Variants in SRD5A2 observed in about 807,000 individuals in gnomAD.
SRD5A2 encodes steroid 5 alpha-reductase 2, also known as 3-oxo-5-alpha-steroid 4-dehydrogenase 2.
SRD5A2 carries 30 observed loss-of-function variants against 27.4 expected under a neutral mutation model. That is an observed-to-expected ratio of 1.10 (90% CI 0.82 to 1.49). The LOEUF is 1.49. Ranked by LOEUF, SRD5A2 falls within the 40% of genes most tolerant of loss-of-function variation. The probability of loss-of-function intolerance (pLI) is 0.00; values close to 1 mark genes in which losing one functional copy is unlikely to be tolerated. For synonymous variants in SRD5A2, 141 were observed against 133.6 expected (o/e 1.06, Z -0.38); for missense variants, 348 against 323.4 (o/e 1.08, Z -0.58).
At chr2:31,661,733 T>C in the SRD5A2 span, among the ~76,000 whole-genome samples, 3 of 152,268 alleles carry the variant, frequency 2.0e-5, no homozygotes, top group East Asian at 5.8e-4. Flanking sequence ...TCTGGAAATT[T>C]TTCTACCAAG....
chr2:31,558,531 CCT>C (rs963134295), intron 1 of SRD5A2, among the ~76,000 whole-genome samples: 2 of 152,146 alleles, frequency 1.3e-5, no homozygotes, highest in African/African-American at 2.4e-5. Context: ...CCAATGTTTG[CCT>C]CTGTCTTCAG....
At chr2:31,537,112 A>G (rs573438989) in intron 1 of SRD5A2, among the ~76,000 whole-genome samples, 12 of 152,322 alleles carry the variant, frequency 7.9e-5, no homozygotes, top group African/African-American at 2.6e-4. Flanking sequence ...TCAAATATAA[A>G]TGCTATTGCT....
the SRD5A2 span, among the ~76,000 whole-genome samples, chr2:31,602,884 C>A: frequency 3.3e-5 from 5 of 152,042 alleles, no homozygotes; most frequent in African/African-American, 9.6e-5. Flanking sequence ...TGATACTGGA[C>A]CCCTTCCTTA....
chr2:31,527,891 T>C (rs1193337357), intron 4 of SRD5A2, among the ~76,000 whole-genome samples: 1 of 152,194 alleles, frequency 6.6e-6, no homozygotes, highest in African/African-American at 2.4e-5. Flanking sequence ...CATTGAGTCA[T>C]AACCCCAGGG....
Position 31,533,727 on chromosome 2 carries a change from A to G in SRD5A2, c.321T>C (p.Tyr107=), listed in dbSNP as rs781214178. The change falls in exon 2 of 5, where the codon TAT becomes TAC. Residue 107 remains tyrosine, a synonymous_variant. Coordinates refer to ENST00000622030, the MANE Select transcript of SRD5A2 (RefSeq NM_000348.4). ...VYSLLNRGRP[Y]PAILILRGTA... is the part of the protein sequence containing the mutation. ...TGCCTCTGAGAATGAGTATAGCTGG[A>G]TAAGGCCTCCCTCGATTGAGCAGTG... 38 of 1,601,774 alleles carry G rather than the reference A, an allele frequency of 2.4e-5. No individual in the cohort carries two copies. In the South Asian group the frequency reaches 4.0e-4, roughly 17 times the overall value.
chr2:31,568,332 T>C (rs542681473), intron 1 of SRD5A2, among the ~76,000 whole-genome samples: 10 of 152,288 alleles, frequency 6.6e-5, no homozygotes, highest in South Asian at 6.2e-4. Context: ...CAGGTCCTGA[T>C]TTCTTGTCCC....
At chr2:31,579,720 G>A (rs539500397) in intron 1 of SRD5A2, among the ~76,000 whole-genome samples, 1 of 152,132 alleles carries the variant, frequency 6.6e-6, no homozygotes, top group Non-Finnish European at 1.5e-5. Context: ...TAAACGATTG[G>A]GCATGGTAGG....
the SRD5A2 span, among the ~76,000 whole-genome samples, chr2:31,587,542 T>C: frequency 1.3e-5 from 2 of 152,136 alleles, no homozygotes; most frequent in Non-Finnish European, 1.5e-5. Flanking sequence ...ATGTGGCACA[T>C]ATACACAATG....
intron 4 of SRD5A2, among the ~76,000 whole-genome samples, chr2:31,526,744 T>G (rs1395023611): frequency 2.6e-5 from 4 of 152,144 alleles, no homozygotes; most frequent in African/African-American, 9.7e-5. Flanking sequence ...TATCATGGGT[T>G]GAATTTTGTC....
rs572902611 is a variant in SRD5A2, at chr2:31,530,689, C to T, written c.547+682G>A. On this transcript the variant is annotated intron_variant, in intron 3 of 4. Transcript: ENST00000622030. ...TAAAGGGTTGTATTTACATCAAAAA[C>T]GGTGGAAGCCAAGGACCTACACAAA... 8.3e-4 allele frequency among the ~76,000 whole-genome samples: 126 copies of T among 152,078 alleles called. 2 individuals carry two copies. The highest frequency in any genetic ancestry group is 3.4e-3 in the Middle Eastern group (1 of 294).
At chr2:31,542,508 CAATA>C (rs927686209) in intron 1 of SRD5A2, among the ~76,000 whole-genome samples, 2 of 150,562 alleles carry the variant, frequency 1.3e-5, no homozygotes, top group Non-Finnish European at 1.5e-5. Context: ...GAACCTGTCT[CAATA>C]AATAAATAAA....
upstream of SRD5A2, among the ~76,000 whole-genome samples, chr2:31,581,992 AACC>A (rs1392216679): frequency 6.6e-6 from 1 of 151,252 alleles, no homozygotes; most frequent in Non-Finnish European, 1.5e-5. Context: ...TCTGTTTCCC[AACC>A]CTTCTTTTCT....
chr2:31,639,536 G>A, the SRD5A2 span, among the ~76,000 whole-genome samples: 2 of 152,066 alleles, frequency 1.3e-5, no homozygotes, highest in South Asian at 2.1e-4. Flanking sequence ...GATTAGTGGT[G>A]CTGAATTTTC....
At chr2:31,599,142 C>T in the SRD5A2 span, among the ~76,000 whole-genome samples, 2 of 151,934 alleles carry the variant, frequency 1.3e-5, no homozygotes, top group South Asian at 4.1e-4. Context: ...ATGCACCCAA[C>T]ACTGGAACAT....
In SRD5A2 at chr2:31,524,713, G is replaced by A. The variant is rs1665734489; in HGVS notation, c.*1483C>T. The stretch of plus-strand genomic sequence containing the variant: ...TATGTGACTTATATAGTGAGTTTCT[G>A]TGCTTAGTACCACTGGTGCTCATTT... On this transcript the variant is annotated 3_prime_UTR_variant, in exon 5 of 5. Transcript: ENST00000622030. The A allele has an allele frequency of 8.7e-6, 2 of 230,832 alleles. No individual in the cohort carries two copies. The highest frequency in any genetic ancestry group is 5.7e-5 in the Admixed American group (1 of 17,692). The allele number at this position is 230,832 out of a possible 1,614,324, so 14.3% of individuals were successfully genotyped here.
chr2:31,639,389 G>A, the SRD5A2 span, among the ~76,000 whole-genome samples: 1 of 152,066 alleles, frequency 6.6e-6, no homozygotes, highest in South Asian at 2.1e-4. Flanking sequence ...CAAAAACAGT[G>A]ATGGAGTATT....
At chr2:31,565,200 T>A (rs1666706085) in intron 1 of SRD5A2, among the ~76,000 whole-genome samples, 1 of 151,152 alleles carries the variant, frequency 6.6e-6, no homozygotes, top group Non-Finnish European at 1.5e-5. Context: ...AACAAAAGAG[T>A]TATAATGAAT....
chr2:31,652,256 C>T, the SRD5A2 span, among the ~76,000 whole-genome samples: 1 of 152,168 alleles, frequency 6.6e-6, no homozygotes, highest in Admixed American at 6.5e-5. Context: ...ACACCCAGCC[C>T]TAGTCACTGT....
At chr2:31,645,931 C>T in the SRD5A2 span, among the ~76,000 whole-genome samples, 1 of 152,082 alleles carries the variant, frequency 6.6e-6, no homozygotes, top group African/African-American at 2.4e-5. Context: ...CATGGGGTAC[C>T]TTCCTGCATA....
Sources: gnomAD v4.1 joint callset for allele counts (sites outside exome capture counted in the v4.1 genomes callset) on GRCh38, gnomAD v4.1.1 for gene constraint, MANE v1.5 for transcripts, NCBI Gene and HGNC (gene_info 2026-07-23, HGNC 2026-07-21) for gene names.